HIPK3: variants seen among roughly 807,000 people sequenced by gnomAD.
The protein encoded by HIPK3 is homeodomain-interacting protein kinase 3.
A neutral mutation model predicts 124.2 loss-of-function variants in HIPK3; 47 were observed. That is an observed-to-expected ratio of 0.38 (90% CI 0.30 to 0.48). The LOEUF (loss-of-function observed/expected upper bound fraction) is 0.48. HIPK3 is among the 20% of genes least tolerant of loss of function. The pLI, the probability that HIPK3 is intolerant of heterozygous loss-of-function variation, is 0.98. For missense variants in HIPK3, 1,286 were observed against 1,454.3 expected (o/e 0.88, Z 1.88); for synonymous variants, 482 against 515.2 (o/e 0.94, Z 0.87).
At chr11:33,297,230 A>T (rs1371893144) in intron 2 of HIPK3, among the ~76,000 whole-genome samples, 3 of 151,372 alleles carry the variant, frequency 2.0e-5, no homozygotes, top group Non-Finnish European at 2.9e-5. Context: ...AGTAGCTGGG[A>T]TTACAGGTGC....
intron 2 of HIPK3, among the ~76,000 whole-genome samples, chr11:33,325,826 C>CTT (rs138375216): frequency 2.0e-5 from 3 of 152,124 alleles, no homozygotes; most frequent in African/African-American, 7.2e-5. Flanking sequence ...GTGCAGCTTC[C>CTT]TTTTTTTATC....
chr11:33,273,550 A>G (rs1329843704), intron 1 of HIPK3, among the ~76,000 whole-genome samples: 1 of 146,396 alleles, frequency 6.8e-6, no homozygotes, highest in African/African-American at 2.5e-5. Flanking sequence ...AAGATTTTGG[A>G]CAATACTTTG....
At chr11:33,257,038 G>A (rs1850681820), upstream of HIPK3, among the ~76,000 whole-genome samples, 1 of 152,152 alleles carries the variant, frequency 6.6e-6, no homozygotes, top group African/African-American at 2.4e-5. Context: ...TCCTTTCTTC[G>A]GGTATTGGGA....
chr11:33,332,434 A>C (rs1207179845), intron 3 of HIPK3, among the ~76,000 whole-genome samples: 1 of 152,200 alleles, frequency 6.6e-6, no homozygotes, highest in African/African-American at 2.4e-5. Flanking sequence ...GGGACATATC[A>C]AAAGTATTCT....
rs779058885 is a variant in HIPK3 at position 33,286,500 on chromosome 11, A to G, written c.86A>G (p.Glu29Gly). 77 of 1,613,256 alleles carry G rather than the reference A, an allele frequency of 4.8e-5. No individual in the cohort carries two copies. Among genetic ancestry groups the G allele is most frequent in the Non-Finnish European group, 6.2e-5 (73 of 1,179,926 alleles). The change falls in exon 2 of 17, where the codon GAG (glutamate) becomes GGG (glycine). Residue 29 changes from glutamate to glycine, a missense_variant. By Grantham distance (98) the Glu-to-Gly change is moderately conservative. Transcript: ENST00000303296. ...TGTAGTGTGAAGAAACTCAAAGTAG[A>G]GCCAAGCAGTTGTGTATTCCAGGAA... ...AFCSVKKLKV[E>G]PSSCVFQERN... is the part of the protein sequence containing the mutation.
At chr11:33,285,800 C>G (rs112724022) in intron 1 of HIPK3, among the ~76,000 whole-genome samples, 7,898 of 151,846 alleles carry the variant, frequency 0.052, 317 homozygotes, top group Admixed American at 0.11. Context: ...GAGACAGAGT[C>G]TTGCTCTGTC....
intron 2 of HIPK3, among the ~76,000 whole-genome samples, chr11:33,308,897 C>G (rs1038593821): frequency 6.6e-6 from 1 of 151,472 alleles, no homozygotes; most frequent in Non-Finnish European, 1.5e-5. Context: ...CTGTTTCAAT[C>G]TGTGTATTTT....
At position 33,293,204 on chromosome 11, in the gene HIPK3, G is replaced by T. The variant is rs556075953; in HGVS notation, c.1097+5693G>T. On this transcript the variant is annotated intron_variant, in intron 2 of 16. Coordinates refer to ENST00000303296, the MANE Select transcript of HIPK3 (RefSeq NM_005734.5). Reference sequence around the variant, plus strand: ...TGTTTTGTTTTTGTTTTTAAAAACAGCTTTATTGAGATATAATCTACATAC... The same window carrying T: ...TGTTTTGTTTTTGTTTTTAAAAACATCTTTATTGAGATATAATCTACATAC... Among the ~76,000 whole-genome samples the T allele has an allele frequency of 1.4e-3, 215 of 152,160 alleles. 1 individual carries two copies. Among genetic ancestry groups the T allele is most frequent in the African/African-American group, 4.9e-3 (203 of 41,502 alleles).
intron 2 of HIPK3, among the ~76,000 whole-genome samples, chr11:33,319,184 A>G (rs1852591062): frequency 1.3e-5 from 2 of 152,248 alleles, no homozygotes; most frequent in African/African-American, 4.8e-5. Context: ...GTAGAAGAAC[A>G]ATGCAGTAAT....
intron 1 of HIPK3, chr11:33,258,692 T>A (rs1590329962): frequency 1.0e-6 from 1 of 985,224 alleles, no homozygotes; most frequent in African/African-American, 1.7e-5. Context: ...TGTAAAATGG[T>A]ATGTGGCTCT....
intron 2 of HIPK3, among the ~76,000 whole-genome samples, chr11:33,292,744 T>C (rs895205883): frequency 1.3e-5 from 2 of 152,194 alleles, no homozygotes; most frequent in Non-Finnish European, 2.9e-5. Context: ...GAAATGGTTT[T>C]CTTTTTTTTA....
intron 2 of HIPK3, among the ~76,000 whole-genome samples, chr11:33,292,055 A>G (rs1357709509): frequency 6.6e-6 from 1 of 152,230 alleles, no homozygotes; most frequent in East Asian, 1.9e-4. Flanking sequence ...GACCCGTAAA[A>G]TAACGGCTAA....
intron 2 of HIPK3, among the ~76,000 whole-genome samples, chr11:33,305,264 A>C (rs1476680182): frequency 6.6e-6 from 1 of 152,056 alleles, no homozygotes; most frequent in Non-Finnish European, 1.5e-5. Flanking sequence ...AGCCTCCCAA[A>C]GTGCTGGGAT....
intron 2 of HIPK3, among the ~76,000 whole-genome samples, chr11:33,322,586 G>A (rs905492862): frequency 2.0e-5 from 3 of 152,096 alleles, no homozygotes; most frequent in African/African-American, 4.8e-5. Context: ...AGCACTTCAG[G>A]AGGCCGAGGC....
chr11:33,295,395 A>C (rs1324799611), intron 2 of HIPK3, among the ~76,000 whole-genome samples: 1 of 149,760 alleles, frequency 6.7e-6, no homozygotes, highest in African/African-American at 2.5e-5. Flanking sequence ...TGTTCCCCAC[A>C]ACCCCCTTTT....
At chr11:33,351,441 G>T (rs984926793) in intron 14 of HIPK3, among the ~76,000 whole-genome samples, 167 bp from the exon 15 acceptor site, 2 of 152,062 alleles carry the variant, frequency 1.3e-5, no homozygotes, top group African/African-American at 4.8e-5. Context: ...TAATTTAAGG[G>T]TCTAGAAATT....
chr11:33,324,447 A>G (rs978668242), intron 2 of HIPK3, among the ~76,000 whole-genome samples: 1 of 152,130 alleles, frequency 6.6e-6, no homozygotes, highest in African/African-American at 2.4e-5. Context: ...AATTTACTGC[A>G]TTTTCTCTAT....
At chr11:33,334,735 C>T (rs1445069206) in intron 3 of HIPK3, among the ~76,000 whole-genome samples, 1 of 152,050 alleles carries the variant, frequency 6.6e-6, no homozygotes, top group South Asian at 2.1e-4. Flanking sequence ...GCCCCTGGGC[C>T]GGGACTTCTG....
intron 2 of HIPK3, among the ~76,000 whole-genome samples, chr11:33,314,654 TCACACA>T (rs369474312): frequency 6.6e-6 from 1 of 151,520 alleles, no homozygotes; most frequent in Admixed American, 6.6e-5. Context: ...AGACTCCATC[TCACACA>T]CACACACACA....
Sources: allele counts gnomAD v4.1 joint callset (sites outside exome capture counted in the v4.1 genomes callset), GRCh38; gene constraint gnomAD v4.1.1; transcripts MANE v1.5; gene names NCBI Gene and HGNC (gene_info 2026-07-23, HGNC 2026-07-21).